Variants in GABBR2 observed in about 807,000 individuals in gnomAD.
GABBR2 encodes the protein G-protein coupled receptor 51.
GABBR2 carries 23 observed loss-of-function variants against 105.6 expected under a neutral mutation model. The observed-to-expected ratio is 0.22, with a 90% CI of 0.16 to 0.31. The LOEUF (loss-of-function observed/expected upper bound fraction) is 0.31, where lower values mean the gene tolerates loss of function less well. Ranked by LOEUF, GABBR2 falls within the 10% of genes least tolerant of loss-of-function variation. The pLI is 1.00. For missense variants in GABBR2, 734 were observed against 1,245.5 expected (o/e 0.59, Z 6.18); for synonymous variants, 478 against 499.7 (o/e 0.96, Z 0.58).
intron 1 of GABBR2, among the ~76,000 whole-genome samples, chr9:98,681,583 T>G (rs1554725693): frequency 2.6e-5 from 4 of 151,284 alleles, no homozygotes; most frequent in Non-Finnish European, 1.5e-5. Context: ...TAAAGTATAA[T>G]AAAAAAAAAT....
intron 13 of GABBR2, among the ~76,000 whole-genome samples, chr9:98,322,091 T>C (rs1372617177): frequency 2.0e-5 from 3 of 152,094 alleles, no homozygotes; most frequent in Non-Finnish European, 4.4e-5. Flanking sequence ...TCCAGGGAAC[T>C]CTTGGTGGCC....
chr9:98,542,810 A>G (rs528271550), intron 2 of GABBR2, among the ~76,000 whole-genome samples: 2 of 152,360 alleles, frequency 1.3e-5, no homozygotes, highest in African/African-American at 4.8e-5. Context: ...ACCCTGAATC[A>G]TATCGCATTC....
chr9:98,509,483 G>A (rs1276841919), intron 3 of GABBR2, among the ~76,000 whole-genome samples: 1 of 152,038 alleles, frequency 6.6e-6, no homozygotes, highest in African/African-American at 2.4e-5. Context: ...AGCTACAGGA[G>A]GAAATTCGAA....
chr9:98,382,353 G>A (rs757902757), intron 11 of GABBR2, among the ~76,000 whole-genome samples: 24 of 151,990 alleles, frequency 1.6e-4, no homozygotes, highest in South Asian at 2.1e-4. Context: ...TCGCTCTGTC[G>A]CCCAGGCAGG....
rs1404601266 is a variant in GABBR2 at position 98,501,130 on chromosome 9, C to CT, written c.631-4617_631-4616insA. On this transcript the variant is annotated intron_variant, in intron 3 of 18. Coordinates refer to ENST00000259455, the MANE Select transcript of GABBR2 (RefSeq NM_005458.8). The stretch of plus-strand genomic sequence containing the variant: ...GATTAAGACTAGGAACCACTGCCCC[C>CT]CCCCCTTCCCCGCCCCCTGCTCCTT... 1.2e-4 allele frequency among the ~76,000 whole-genome samples: 17 copies of CT among 144,400 alleles called. No homozygotes were observed. The East Asian group carries it at 2.6e-3, about 22-fold the overall frequency. The allele number at this position is 144,400 out of a possible 152,430, so 94.7% of individuals were successfully genotyped here. A position where few individuals can be genotyped will look rare whatever the true frequency, so the allele number is the denominator to read the frequency against.
intron 2 of GABBR2, among the ~76,000 whole-genome samples, chr9:98,565,161 T>C (rs1277677186): frequency 6.6e-6 from 1 of 152,190 alleles, no homozygotes; most frequent in African/African-American, 2.4e-5. Flanking sequence ...ATCAGCTCTC[T>C]GGGCCTCACT....
intron 1 of GABBR2, among the ~76,000 whole-genome samples, chr9:98,698,149 C>A (rs1171068288): frequency 1.3e-5 from 2 of 152,196 alleles, no homozygotes; most frequent in Non-Finnish European, 2.9e-5. Context: ...ATGCATCACT[C>A]CACAAAGTCC....
intron 11 of GABBR2, among the ~76,000 whole-genome samples, chr9:98,375,916 C>T (rs976021151): frequency 6.6e-6 from 1 of 152,188 alleles, no homozygotes; most frequent in Non-Finnish European, 1.5e-5. Context: ...ATGTTACCAC[C>T]AATACAAGTC....
rs1831608207 is a variant in GABBR2 at position 98,362,734 on chromosome 9, A to G, written c.1874T>C (p.Val625Ala). The G allele has an allele frequency of 6.3e-7, 1 of 1,596,652 alleles. No homozygotes were observed. The highest frequency in any genetic ancestry group is 1.1e-5 in the South Asian group (1 of 87,912). Residue 625 changes from valine to alanine, a missense_variant, in exon 13 of 19, where the codon GTG becomes GCG. Coordinates refer to ENST00000259455, the MANE Select transcript of GABBR2 (RefSeq NM_005458.8). The stretch of plus-strand genomic sequence containing the variant: ...GCTTACCTCCATGCTGTACTTCTCC[A>G]CTGTCCTTCGCAGGGGGTCCACAGC... ...WQAVDPLRRT[V>A]EKYSMEPDPA...
chr9:98,418,343 C>G lies in GABBR2; in HGVS notation c.1237-12202G>C, dbSNP rs1382584892. Among the ~76,000 whole-genome samples, 7 of 152,000 alleles carry G rather than the reference C, an allele frequency of 4.6e-5. No individual in the cohort carries two copies. In the East Asian group the frequency reaches 9.7e-4, roughly 21 times the overall value. ...CTTGAGCCTGGAGTTCAAGACCAGG[C>G]TAGGCAACATAGCGAGACCCCGTCC... is the stretch of plus-strand genomic sequence containing the variant. On this transcript the variant is annotated intron_variant, in intron 7 of 18. Coordinates refer to ENST00000259455, the MANE Select transcript of GABBR2 (RefSeq NM_005458.8).
At chr9:98,337,453 A>G (rs1831135847) in intron 13 of GABBR2, among the ~76,000 whole-genome samples, 1 of 152,218 alleles carries the variant, frequency 6.6e-6, no homozygotes, top group African/African-American at 2.4e-5. Flanking sequence ...TGAAAATCCC[A>G]ACAGCCTTTT....
intron 1 of GABBR2, among the ~76,000 whole-genome samples, chr9:98,704,593 A>G (rs1830870453): frequency 6.6e-6 from 1 of 152,232 alleles, no homozygotes; most frequent in Non-Finnish European, 1.5e-5. Context: ...AAAAGAGCAC[A>G]TGGAGTATGA....
chr9:98,457,099 T>C (rs1331471049), intron 6 of GABBR2, among the ~76,000 whole-genome samples: 1 of 152,274 alleles, frequency 6.6e-6, no homozygotes, highest in African/African-American at 2.4e-5. Flanking sequence ...AGTACTTGGA[T>C]GCGTGTTTCT....
intron 7 of GABBR2, 40 bp from the exon 8 acceptor site, chr9:98,406,181 GA>G: frequency 7.9e-7 from 1 of 1,268,418 alleles, no homozygotes; most frequent in Non-Finnish European, 1.1e-6. Flanking sequence ...GAATAAAAGA[GA>G]AATGCCACAT....
rs539111745 is a variant in GABBR2 at position 98,615,608 on chromosome 9, G to T, written c.322-37536C>A. On this transcript the variant is annotated intron_variant, in intron 1 of 18. Coordinates refer to ENST00000259455, the MANE Select transcript of GABBR2 (RefSeq NM_005458.8). ...AATACAGTCATGGATAAAGCAGGAG[G>T]TGCCAAGTTGCTCCCCACTTCCCTT... Among the ~76,000 whole-genome samples the T allele has an allele frequency of 4.3e-4, 65 of 152,248 alleles. 2 individuals are homozygous for T. The South Asian group carries it at 0.014, about 32-fold the overall frequency.
At chr9:98,551,942 A>T (rs2131749900) in intron 2 of GABBR2, 1 of 152,348 alleles carries the variant, frequency 6.6e-6, no homozygotes, top group East Asian at 1.9e-4. Context: ...GCGAACATTG[A>T]AGAAAATGAT....
intron 1 of GABBR2, among the ~76,000 whole-genome samples, chr9:98,588,831 A>G (rs1288776009): frequency 6.6e-6 from 1 of 152,154 alleles, no homozygotes; most frequent in African/African-American, 2.4e-5. Flanking sequence ...GGCCTGTAAA[A>G]CCATTCCATG....
intron 7 of GABBR2, among the ~76,000 whole-genome samples, chr9:98,415,423 T>A (rs946207555): frequency 2.0e-5 from 3 of 152,218 alleles, no homozygotes; most frequent in Non-Finnish European, 4.4e-5. Context: ...TTTACTGTTT[T>A]GTCTGTGCAA....
chr9:98,294,796 A>G (rs534742773), intron 17 of GABBR2, among the ~76,000 whole-genome samples: 4 of 152,200 alleles, frequency 2.6e-5, no homozygotes, highest in Non-Finnish European at 5.9e-5. Context: ...AGCATCATTT[A>G]TAATATTAAA....
Sources: allele counts gnomAD v4.1 joint callset (sites outside exome capture counted in the v4.1 genomes callset), GRCh38; gene constraint gnomAD v4.1.1; transcripts MANE v1.5; gene names NCBI Gene and HGNC (gene_info 2026-07-23, HGNC 2026-07-21).